The following RIMS2 variants were observed in gnomAD, a reference collection of about 807,000 sequenced individuals.
RIMS2 encodes the protein regulating synaptic membrane exocytosis 2, also known as regulating synaptic membrane exocytosis protein 2.
A neutral mutation model predicts 174.4 loss-of-function variants in RIMS2; 59 were observed. That is an observed-to-expected ratio of 0.34 (90% CI 0.27 to 0.42). The LOEUF (loss-of-function observed/expected upper bound fraction) is 0.42, where lower values mean the gene tolerates loss of function less well. Ranked by LOEUF, RIMS2 falls within the 10% of genes least tolerant of loss-of-function variation. RIMS2 has a pLI of 1.00. For synonymous variants in RIMS2, 606 were observed against 572.5 expected, an observed-to-expected ratio of 1.06 and a Z score of -0.84; for missense variants, 1,620 against 1,666.3, an observed-to-expected ratio of 0.97 and a Z score of 0.48.
intron 19 of RIMS2, among the ~76,000 whole-genome samples, chr8:104,200,677 C>T (rs937872498): frequency 2.0e-5 from 3 of 152,186 alleles, no homozygotes; most frequent in African/African-American, 7.2e-5. Flanking sequence ...GAGTCCAAGG[C>T]GGGTGGATCA....
chr8:103,623,015 A>G (rs1413636209), intron 1 of RIMS2, among the ~76,000 whole-genome samples: 1 of 152,258 alleles, frequency 6.6e-6, no homozygotes, highest in Non-Finnish European at 1.5e-5. Flanking sequence ...TGAAAAGAGT[A>G]AAGAAAGACA....
At chr8:103,866,063 T>G (rs557609068) in intron 3 of RIMS2, among the ~76,000 whole-genome samples, 1 of 152,308 alleles carries the variant, frequency 6.6e-6, no homozygotes, top group East Asian at 1.9e-4. Flanking sequence ...TATTCTGAAT[T>G]TATAAACTTT....
At chr8:103,630,595 A>T (rs1443837678) in intron 1 of RIMS2, among the ~76,000 whole-genome samples, 1 of 151,136 alleles carries the variant, frequency 6.6e-6, no homozygotes, top group Non-Finnish European at 1.5e-5. Flanking sequence ...AAAAAAAAAA[A>T]AAAAAAGAAA....
intron 3 of RIMS2, among the ~76,000 whole-genome samples, chr8:103,831,525 C>T (rs2098825978): frequency 6.6e-6 from 1 of 152,172 alleles, no homozygotes; most frequent in Non-Finnish European, 1.5e-5. Flanking sequence ...TTGGCCTTCT[C>T]TGGACACAGA....
intron 2 of RIMS2, among the ~76,000 whole-genome samples, chr8:103,713,430 A>G (rs2097332380): frequency 6.6e-6 from 1 of 152,202 alleles, no homozygotes; most frequent in Non-Finnish European, 1.5e-5. Context: ...GAACCCACAA[A>G]TCTACACCTC....
intron 1 of RIMS2, among the ~76,000 whole-genome samples, chr8:103,599,617 TTTTTG>T (rs1288211193): frequency 1.7e-4 from 25 of 151,422 alleles, no homozygotes; most frequent in African/African-American, 5.6e-4. Flanking sequence ...TAATTAATTT[TTTTTG>T]TTTTGTTTTG....
At chr8:103,601,269 T>G (rs1379995465) in intron 1 of RIMS2, among the ~76,000 whole-genome samples, 4 of 152,216 alleles carry the variant, frequency 2.6e-5, no homozygotes, top group Admixed American at 2.6e-4. Flanking sequence ...GGTGCATTGT[T>G]GAAGTCTCCA....
chr8:103,635,176 T>C (rs1049938781), intron 1 of RIMS2, among the ~76,000 whole-genome samples: 1 of 152,248 alleles, frequency 6.6e-6, no homozygotes, highest in Non-Finnish European at 1.5e-5. Flanking sequence ...TCTTTGTGTT[T>C]ATGTTTGTTT....
intron 19 of RIMS2, among the ~76,000 whole-genome samples, chr8:104,086,629 C>T (rs577238444): frequency 3.9e-5 from 6 of 152,092 alleles, no homozygotes; most frequent in East Asian, 1.9e-4. Flanking sequence ...TCATATCAAG[C>T]GACAGCTGGT....
intron 19 of RIMS2, among the ~76,000 whole-genome samples, chr8:104,118,799 G>A (rs1194113322): frequency 3.9e-5 from 6 of 152,148 alleles, no homozygotes; most frequent in Admixed American, 2.0e-4. Context: ...GGATTCTGGT[G>A]AAAGCACTCT....
chr8:103,966,051 A>G (rs568024168), intron 15 of RIMS2, among the ~76,000 whole-genome samples: 141 of 152,204 alleles, frequency 9.3e-4, no homozygotes, highest in Middle Eastern at 3.4e-3. Context: ...CTAACATTAC[A>G]TTGATAATTT....
At chr8:104,146,373 C>T (rs1271422915) in intron 19 of RIMS2, among the ~76,000 whole-genome samples, 3 of 152,052 alleles carry the variant, frequency 2.0e-5, no homozygotes, top group Admixed American at 2.0e-4. Context: ...AGCAAAACAC[C>T]ATCTCTAAAA....
At chr8:103,849,861 T>A (rs1456267225) in intron 3 of RIMS2, among the ~76,000 whole-genome samples, 1 of 152,016 alleles carries the variant, frequency 6.6e-6, no homozygotes, top group Non-Finnish European at 1.5e-5. Flanking sequence ...TCTCGACAGA[T>A]TTCAGTGTTT....
intron 3 of RIMS2, among the ~76,000 whole-genome samples, chr8:103,876,142 C>T (rs2099135607): frequency 6.6e-6 from 1 of 151,744 alleles, no homozygotes; most frequent in African/African-American, 2.4e-5. Flanking sequence ...CTTCTGTTGC[C>T]TTTGCTTTTG....
At chr8:103,863,991 C>G (rs1273605344) in intron 3 of RIMS2, among the ~76,000 whole-genome samples, 3 of 151,766 alleles carry the variant, frequency 2.0e-5, no homozygotes, top group Admixed American at 6.6e-5. Flanking sequence ...TCACTGCAAC[C>G]TCCGCCTCCT....
At chr8:104,148,949 G>A (rs2098667538) in intron 19 of RIMS2, 101 bp downstream of exon 25, 4 of 1,218,156 alleles carry the variant, frequency 3.3e-6, no homozygotes, top group Non-Finnish European at 2.3e-6. Context: ...TGTGGATGAT[G>A]ACATGTTCCA....
At chr8:103,585,906 T>A (rs2093891556) in intron 1 of RIMS2, among the ~76,000 whole-genome samples, 2 of 147,538 alleles carry the variant, frequency 1.4e-5, no homozygotes, top group African/African-American at 2.5e-5. Context: ...TTTAAAAAAT[T>A]GCATCAATCA....
At chr8:103,700,718 C>A (rs147159779) in intron 2 of RIMS2, among the ~76,000 whole-genome samples, 466 of 151,718 alleles carry the variant, frequency 3.1e-3, no homozygotes, top group Non-Finnish European at 5.1e-3. Flanking sequence ...CAATTTTAGC[C>A]TTTTTTGAGA....
intron 3 of RIMS2, among the ~76,000 whole-genome samples, chr8:103,808,410 T>C (rs1373077671): frequency 6.6e-6 from 1 of 152,144 alleles, no homozygotes; most frequent in Non-Finnish European, 1.5e-5. Flanking sequence ...TTTTAAATTT[T>C]ATCTCCGGGT....
Sources: gnomAD v4.1 joint callset for allele counts (sites outside exome capture counted in the v4.1 genomes callset) on GRCh38, gnomAD v4.1.1 for gene constraint, MANE v1.5 for transcripts, NCBI Gene and HGNC (gene_info 2026-07-23, HGNC 2026-07-21) for gene names.